The following ARHGEF3 variants were observed in gnomAD, a reference collection of about 807,000 sequenced individuals.
ARHGEF3 encodes 59.8 kDA protein.
In ARHGEF3, 28 loss-of-function variants were observed where a neutral mutation model predicts 63.2. That is an observed-to-expected ratio of 0.44 (90% CI 0.33 to 0.61). The LOEUF (loss-of-function observed/expected upper bound fraction) is 0.61, where lower values mean the gene tolerates loss of function less well. Ranked by LOEUF, ARHGEF3 falls within the 20% of genes least tolerant of loss-of-function variation. ARHGEF3 has a pLI of 0.03. For synonymous variants in ARHGEF3, 266 were observed against 254.2 expected, an observed-to-expected ratio of 1.05 and a Z score of -0.44; for missense variants, 533 against 659.3, an observed-to-expected ratio of 0.81 and a Z score of 2.10.
intron 4 of ARHGEF3, among the ~76,000 whole-genome samples, chr3:56,836,582 T>C (rs2039117231): frequency 6.6e-6 from 1 of 152,016 alleles, no homozygotes; most frequent in Admixed American, 6.6e-5. Context: ...TTATTCTGAA[T>C]GATACAAACC....
intron 2 of ARHGEF3, among the ~76,000 whole-genome samples, chr3:56,765,716 T>TAAGC (rs1390636348): frequency 1.3e-5 from 2 of 152,180 alleles, no homozygotes; most frequent in Non-Finnish European, 2.9e-5. Flanking sequence ...CCACCCTTGC[T>TAAGC]AAGCAGCCTT....
intron 4 of ARHGEF3, among the ~76,000 whole-genome samples, chr3:56,858,030 C>A (rs1343697213): frequency 6.6e-6 from 1 of 152,044 alleles, no homozygotes; most frequent in Middle Eastern, 3.4e-3. Flanking sequence ...ACTGCTTGAG[C>A]CCAGGAGTTT....
At chr3:56,966,127 GT>G (rs1700485094) in intron 2 of ARHGEF3, among the ~76,000 whole-genome samples, 1 of 152,188 alleles carries the variant, frequency 6.6e-6, no homozygotes, top group Non-Finnish European at 1.5e-5. Flanking sequence ...TAATAAAAAT[GT>G]AAAAACTCCA....
chr3:56,775,799 A>AGC (rs1222432394), intron 1 of ARHGEF3: 61 of 281,304 alleles, frequency 2.2e-4, no homozygotes, highest in African/African-American at 1.8e-3. Context: ...CACACGCGCA[A>AGC]GCACACACAC....
intron 3 of ARHGEF3, among the ~76,000 whole-genome samples, chr3:56,920,802 C>T (rs747959569): frequency 2.0e-5 from 3 of 152,168 alleles, no homozygotes; most frequent in Non-Finnish European, 2.9e-5. Flanking sequence ...CCTGTAATCC[C>T]AGCACTTTGG....
At chr3:57,059,233 T>A (rs943004713) in intron 1 of ARHGEF3, among the ~76,000 whole-genome samples, 10 of 152,098 alleles carry the variant, frequency 6.6e-5, no homozygotes, top group African/African-American at 2.4e-4. Context: ...TTTTCTAAAT[T>A]TTTTCATAAG....
At chr3:57,065,551 G>A (rs189237929) in intron 1 of ARHGEF3, among the ~76,000 whole-genome samples, 11 of 152,240 alleles carry the variant, frequency 7.2e-5, no homozygotes, top group East Asian at 5.8e-4. Flanking sequence ...CTGCACTACC[G>A]TATGCATGTG....
At chr3:56,773,684 C>T (rs1271331148) in intron 2 of ARHGEF3, 25 bp downstream of exon 2, 6 of 1,542,990 alleles carry the variant, frequency 3.9e-6, no homozygotes, top group Non-Finnish European at 5.2e-6. Flanking sequence ...TTTCTGCAAC[C>T]ACAGGCCCTG....
intron 4 of ARHGEF3, among the ~76,000 whole-genome samples, chr3:56,810,471 A>G (rs1414152977): frequency 6.6e-6 from 1 of 152,150 alleles, no homozygotes; most frequent in African/African-American, 2.4e-5. Context: ...GGTTGCAGTG[A>G]GCTTGAGACT....
intron 2 of ARHGEF3, among the ~76,000 whole-genome samples, chr3:56,756,844 C>T (rs569161671): frequency 6.6e-6 from 1 of 152,164 alleles, no homozygotes; most frequent in African/African-American, 2.4e-5. Flanking sequence ...CCACTGTGTC[C>T]GGCCATAGCT....
At chr3:56,764,280 A>G (rs1559917582) in intron 2 of ARHGEF3, among the ~76,000 whole-genome samples, 1 of 152,180 alleles carries the variant, frequency 6.6e-6, no homozygotes, top group South Asian at 2.1e-4. Flanking sequence ...CAGTAGCTCA[A>G]CCATCTTCAT....
intron 1 of ARHGEF3, chr3:57,073,672 A>G (rs1706058087): frequency 6.3e-7 from 1 of 1,595,786 alleles, no homozygotes; most frequent in South Asian, 1.1e-5. Context: ...TTTCTGGAGA[A>G]TTCTGTTTTT....
chr3:56,795,929 C>A (rs1175684319), intron 1 of ARHGEF3, among the ~76,000 whole-genome samples: 2 of 151,696 alleles, frequency 1.3e-5, no homozygotes, highest in African/African-American at 2.4e-5. Context: ...AGCCACCACA[C>A]TGGGCATGAC....
intron 4 of ARHGEF3, among the ~76,000 whole-genome samples, chr3:56,847,517 G>T (rs952840270): frequency 9.2e-5 from 14 of 152,154 alleles, no homozygotes; most frequent in African/African-American, 3.4e-4. Context: ...CGAAAATAGT[G>T]AACCCCCAAC....
intron 3 of ARHGEF3, among the ~76,000 whole-genome samples, chr3:56,912,729 T>C (rs896978263): frequency 7.9e-5 from 12 of 152,340 alleles, no homozygotes; most frequent in African/African-American, 2.6e-4. Flanking sequence ...CATTTGAATA[T>C]TGTCAACTTT....
intron 6 of ARHGEF3, 85 bp from the exon 7 acceptor site, chr3:56,745,547 C>T: frequency 1.4e-6 from 2 of 1,475,408 alleles, no homozygotes; most frequent in South Asian, 2.6e-5. Flanking sequence ...TGGGACTGAA[C>T]AAACACCTAA....
chr3:56,927,210 T>C (rs967947978), intron 3 of ARHGEF3, among the ~76,000 whole-genome samples: 1 of 152,222 alleles, frequency 6.6e-6, no homozygotes, highest in African/African-American at 2.4e-5. Flanking sequence ...AAAAAGTTCT[T>C]GTGAGAATCA....
chr3:56,856,885 T>C (rs1226257340), intron 4 of ARHGEF3, among the ~76,000 whole-genome samples: 1 of 152,030 alleles, frequency 6.6e-6, no homozygotes, highest in Non-Finnish European at 1.5e-5. Context: ...GTCTAAGCAA[T>C]GTTATTTCTT....
intron 1 of ARHGEF3, among the ~76,000 whole-genome samples, chr3:57,049,770 G>A (rs1029503010): frequency 6.6e-6 from 1 of 152,224 alleles, no homozygotes; most frequent in African/African-American, 2.4e-5. Flanking sequence ...TGGGGGAATG[G>A]AGGGTGGCTT....
Sources: gnomAD v4.1 joint callset for allele counts (sites outside exome capture counted in the v4.1 genomes callset) on GRCh38, gnomAD v4.1.1 for gene constraint, MANE v1.5 for transcripts, NCBI Gene and HGNC (gene_info 2026-07-23, HGNC 2026-07-21) for gene names.